Variants in GRAMD1B observed in about 807,000 individuals in gnomAD.
GRAMD1B encodes the protein protein Aster-B.
GRAMD1B carries 37 observed loss-of-function variants against 99.7 expected under a neutral mutation model. The observed-to-expected ratio is 0.37, with a 90% CI of 0.29 to 0.49. The LOEUF (loss-of-function observed/expected upper bound fraction) is 0.49. Among genes scored for constraint, GRAMD1B ranks in the 20% least tolerant of loss-of-function variants. The pLI, the probability that GRAMD1B is intolerant of heterozygous loss-of-function variation, is 0.98. For missense variants in GRAMD1B, 888 were observed against 1,009.2 expected (o/e 0.88, Z 1.63); for synonymous variants, 427 against 387.6 (o/e 1.10, Z -1.19).
intron 2 of GRAMD1B, among the ~76,000 whole-genome samples, chr11:123,564,525 A>G (rs2086898284): frequency 6.6e-6 from 1 of 152,164 alleles, no homozygotes; most frequent in African/African-American, 2.4e-5. Flanking sequence ...CAGTTTCCTG[A>G]CCTGTCTCCC....
chr11:123,578,187 C>T (rs1388330339), intron 3 of GRAMD1B, among the ~76,000 whole-genome samples: 2 of 152,112 alleles, frequency 1.3e-5, no homozygotes, highest in Non-Finnish European at 2.9e-5. Context: ...GAGATGTCTT[C>T]CCCACCCTCG....
chr11:123,617,686 G>C (rs1360236257), intron 17 of GRAMD1B, among the ~76,000 whole-genome samples: 2 of 152,154 alleles, frequency 1.3e-5, no homozygotes, highest in African/African-American at 4.8e-5. Context: ...TTGATCAAAA[G>C]TTAAGAGATT....
intron 2 of GRAMD1B, among the ~76,000 whole-genome samples, chr11:123,535,117 A>G (rs1235708525): frequency 2.0e-5 from 3 of 152,166 alleles, no homozygotes; most frequent in African/African-American, 4.8e-5. Context: ...ACCAAAGAGC[A>G]TGGAGATGCA....
chr11:123,462,909 A>AAG (rs1555126064), intron 1 of GRAMD1B, among the ~76,000 whole-genome samples: 2 of 150,044 alleles, frequency 1.3e-5, no homozygotes, highest in Non-Finnish European at 3.0e-5. Flanking sequence ...AAAAAAAAAA[A>AAG]AAAGAAATCC....
chr11:123,498,534 CA>C, intron 2 of GRAMD1B, among the ~76,000 whole-genome samples: 1 of 152,326 alleles, frequency 6.6e-6, no homozygotes, highest in East Asian at 1.9e-4. Flanking sequence ...TTGTTTCTTG[CA>C]ATGGCCCTTT....
upstream of GRAMD1B, among the ~76,000 whole-genome samples, chr11:123,429,174 C>A (rs1249132077): frequency 6.6e-6 from 1 of 152,128 alleles, no homozygotes; most frequent in Non-Finnish European, 1.5e-5. This position sits in a 1 kb window ranked among gnomAD's most constrained non-coding sequence, Gnocchi z 4.0. Flanking sequence ...GCCTGGGCAA[C>A]AGAGTGAGAC....
At chr11:123,574,588 G>A (rs1271468803) in intron 2 of GRAMD1B, among the ~76,000 whole-genome samples, 2 of 152,196 alleles carry the variant, frequency 1.3e-5, no homozygotes, top group Non-Finnish European at 2.9e-5. Context: ...GGAGTGAGAT[G>A]GAAGAGAGGG....
chr11:123,405,222 AAGAG>A (rs558941764), intron 1 of GRAMD1B, among the ~76,000 whole-genome samples: 2,531 of 141,590 alleles, frequency 0.018, 66 homozygotes, highest in African/African-American at 0.063. Flanking sequence ...GTGTGTGTGA[AAGAG>A]AGAGAGAGAG....
chr11:123,401,064 C>T (rs1947643130), intron 1 of GRAMD1B, among the ~76,000 whole-genome samples: 1 of 152,188 alleles, frequency 6.6e-6, no homozygotes, highest in Non-Finnish European at 1.5e-5. Flanking sequence ...TATTTTAACT[C>T]ATTAAGCCCC....
chr11:123,385,375 C>T (rs1274608649), intron 1 of GRAMD1B, among the ~76,000 whole-genome samples: 1 of 152,196 alleles, frequency 6.6e-6, no homozygotes, highest in African/African-American at 2.4e-5. Flanking sequence ...ATGCCATTCT[C>T]CTCACTCCTC....
chr11:123,479,163 G>A (rs1315475694), intron 1 of GRAMD1B, among the ~76,000 whole-genome samples: 1 of 152,238 alleles, frequency 6.6e-6, no homozygotes, highest in Non-Finnish European at 1.5e-5. Flanking sequence ...GAGTTCTGCC[G>A]AGCAGCCGGA....
At chr11:123,543,222 C>G (rs532415330) in intron 2 of GRAMD1B, among the ~76,000 whole-genome samples, 6 of 152,222 alleles carry the variant, frequency 3.9e-5, no homozygotes, top group Non-Finnish European at 7.3e-5. Flanking sequence ...CCAGCCTTCA[C>G]TGCCAACCAA....
At chr11:123,364,496 C>T (rs1204920508) in intron 1 of GRAMD1B, among the ~76,000 whole-genome samples, 1 of 152,230 alleles carries the variant, frequency 6.6e-6, no homozygotes, top group Non-Finnish European at 1.5e-5. Context: ...TCTAATTAGG[C>T]ATCCGTGTGC....
intron 1 of GRAMD1B, among the ~76,000 whole-genome samples, chr11:123,479,768 A>G (rs1951489328): frequency 1.3e-5 from 2 of 152,198 alleles, no homozygotes; most frequent in African/African-American, 2.4e-5. Context: ...GAAAATAGCC[A>G]AAGATAATAT....
chr11:123,518,679 T>C (rs978535617), intron 2 of GRAMD1B, among the ~76,000 whole-genome samples: 6 of 152,172 alleles, frequency 3.9e-5, no homozygotes, highest in Non-Finnish European at 8.8e-5. Context: ...TTAAGTGTGG[T>C]TTAGCACTTC....
intron 1 of GRAMD1B, among the ~76,000 whole-genome samples, chr11:123,387,171 G>T (rs888096344): frequency 3.3e-5 from 5 of 152,192 alleles, no homozygotes; most frequent in Admixed American, 2.6e-4. Context: ...AGGTCAGGGA[G>T]TGCAAAGCTA....
chr11:123,467,839 C>CT (rs59132049), intron 1 of GRAMD1B, among the ~76,000 whole-genome samples: 55,912 of 121,924 alleles, frequency 0.46, 13,722 homozygotes, highest in East Asian at 0.8. Flanking sequence ...CCCTCCCTCC[C>CT]TCCCTTCCTT....
chr11:123,397,417 AC>A, intron 1 of GRAMD1B, among the ~76,000 whole-genome samples: 1 of 151,950 alleles, frequency 6.6e-6, no homozygotes, highest in East Asian at 1.9e-4. Context: ...AAAAAACAAA[AC>A]AAAACAAAAC....
In GRAMD1B at chr11:123,516,211, G is replaced by C. The variant is rs190374337; in HGVS notation, c.452+35318G>C. ...AAGGTAGCTAGTGGCTTAGTGCATG[G>C]AAAAGCATTTACTGAATAGCGCTGG... On this transcript the variant is annotated intron_variant, in intron 2 of 19. Transcript: ENST00000635736. 4.6e-4 allele frequency among the ~76,000 whole-genome samples: 70 copies of C among 152,304 alleles called. 5 individuals are homozygous for C. Among genetic ancestry groups the C allele is most frequent in the African/African-American group, 1.6e-3 (65 of 41,570 alleles).
Sources: gnomAD v4.1 joint callset for allele counts (sites outside exome capture counted in the v4.1 genomes callset) on GRCh38, gnomAD v4.1.1 for gene constraint, Gnocchi (gnomAD v3.1) non-coding constraint, MANE v1.5 for transcripts, NCBI Gene and HGNC (gene_info 2026-07-23, HGNC 2026-07-21) for gene names.